The following SUPT3H variants were observed in gnomAD, a reference collection of about 807,000 sequenced individuals.
The protein encoded by SUPT3H is transcription initiation protein SPT3 homolog.
SUPT3H carries 44 observed loss-of-function variants against 44.3 expected under a neutral mutation model. That is an observed-to-expected ratio of 0.99 (90% CI 0.78 to 1.28). The LOEUF (loss-of-function observed/expected upper bound fraction) is 1.28. SUPT3H is among the 50% of genes most tolerant of loss of function. SUPT3H has a pLI of 0.00. For missense variants in SUPT3H, 380 were observed against 387.1 expected, an observed-to-expected ratio of 0.98 and a Z score of 0.15; for synonymous variants, 124 against 125.6, an observed-to-expected ratio of 0.99 and a Z score of 0.09.
rs371888313 is a variant in SUPT3H, at chr6:44,819,753, G to GTGACAGA, written c.*52+10004_*52+10010dup. On this transcript the variant is annotated intron_variant and NMD_transcript_variant, in intron 11 of 11. Transcript: ENST00000475057. Reference sequence around the variant, plus strand: ...ATCATGCCAGTGTACTTCAGCCTGGGTGACAGAGTAAGACCCTGTATCAAA... The same window carrying GTGACAGA: ...ATCATGCCAGTGTACTTCAGCCTGGGTGACAGATGACAGAGTAAGACCCTGTATCAAA... Among the ~76,000 whole-genome samples the GTGACAGA allele has an allele frequency of 2.5e-3, 373 of 151,820 alleles. 2 individuals carry two copies. Among genetic ancestry groups the GTGACAGA allele is most frequent in the African/African-American group, 8.2e-3 (340 of 41,384 alleles).
rs576302805 is a variant in SUPT3H, at chr6:45,305,982, T to G, written c.101+59219A>C. 2.0e-4 allele frequency among the ~76,000 whole-genome samples: 31 copies of G among 152,374 alleles called. 1 individual carries two copies. The South Asian group carries it at 5.2e-3, about 25-fold the overall frequency. On this transcript the variant is annotated intron_variant, in intron 2 of 10. Transcript: ENST00000371459. The stretch of plus-strand genomic sequence containing the variant: ...GTCTACCTAGGAGCCTCTCTAATTC[T>G]GCATATACCTGTACTCCCAATTCTC...
At chr6:45,246,699 G>A (rs1197309857) in intron 2 of SUPT3H, among the ~76,000 whole-genome samples, 2 of 152,090 alleles carry the variant, frequency 1.3e-5, no homozygotes, top group Non-Finnish European at 2.9e-5. Flanking sequence ...AATCCCCCAA[G>A]TAATCAGAAA....
intron 10 of SUPT3H, among the ~76,000 whole-genome samples, chr6:44,887,767 T>C (rs1161738037): frequency 1.3e-5 from 2 of 150,630 alleles, no homozygotes; most frequent in Non-Finnish European, 3.0e-5. Context: ...ATAACTAAAA[T>C]CAGAGCAGAA....
At chr6:44,893,157 T>C (rs1473660494) in intron 10 of SUPT3H, among the ~76,000 whole-genome samples, 1 of 152,022 alleles carries the variant, frequency 6.6e-6, no homozygotes, top group Non-Finnish European at 1.5e-5. Context: ...ACAGAAGGCA[T>C]CTCATCTCAC....
At chr6:44,954,829 G>A (rs1341135605) in intron 7 of SUPT3H, among the ~76,000 whole-genome samples, 7 of 152,088 alleles carry the variant, frequency 4.6e-5, no homozygotes, top group Admixed American at 3.9e-4. Context: ...ACTCTCTTAC[G>A]TATTTGGGTC....
At chr6:45,177,723 A>C (rs893039436) in intron 2 of SUPT3H, among the ~76,000 whole-genome samples, 4 of 151,990 alleles carry the variant, frequency 2.6e-5, no homozygotes, top group African/African-American at 2.4e-5. Context: ...CTGATCTCTC[A>C]GCAGAAACTC....
chr6:44,854,238 T>C (rs1773377243), intron 10 of SUPT3H, among the ~76,000 whole-genome samples: 1 of 152,078 alleles, frequency 6.6e-6, no homozygotes, highest in South Asian at 2.1e-4. Context: ...TTTGTCTTGT[T>C]AACAGGCAAG....
Position 44,844,948 on chromosome 6 carries a change from TGTTGGAGATG to T in SUPT3H, c.913-15101_913-15092del, listed in dbSNP as rs550206595. On this transcript the variant is annotated intron_variant, in intron 10 of 10. Transcript: ENST00000371459. ...AAAACCCCCCCCACAATAATGCTTT[TGTTGGAGATG>T]GTCAGGATTTGTACATCACAGGCAG... 4.6e-5 allele frequency among the ~76,000 whole-genome samples: 7 copies of T among 152,324 alleles called. No homozygotes were observed. In the South Asian group the frequency reaches 1.2e-3, roughly 27 times the overall value.
intron 2 of SUPT3H, among the ~76,000 whole-genome samples, chr6:45,251,444 C>T (rs746408681): frequency 6.6e-6 from 1 of 150,846 alleles, no homozygotes; most frequent in Non-Finnish European, 1.5e-5. Context: ...GTGTTCGATG[C>T]CAGCAGAAAG....
chr6:44,992,250 C>G (rs1307028872), intron 6 of SUPT3H, among the ~76,000 whole-genome samples: 1 of 152,128 alleles, frequency 6.6e-6, no homozygotes, highest in Non-Finnish European at 1.5e-5. Context: ...ACTGAAATTA[C>G]TTGAGACAGA....
chr6:45,236,472 GAGC>G (rs1034583100), intron 2 of SUPT3H, among the ~76,000 whole-genome samples: 2 of 152,098 alleles, frequency 1.3e-5, no homozygotes, highest in African/African-American at 4.8e-5. Context: ...CAAAGTAACA[GAGC>G]AGGTTTGTTT....
intron 2 of SUPT3H, among the ~76,000 whole-genome samples, chr6:45,232,453 G>C (rs1768234285): frequency 6.6e-6 from 1 of 152,190 alleles, no homozygotes; most frequent in African/African-American, 2.4e-5. Context: ...GTGATGAGCT[G>C]ACTGTGCCTG....
intron 3 of SUPT3H, among the ~76,000 whole-genome samples, chr6:45,092,986 A>G (rs1463853600): frequency 6.6e-6 from 1 of 152,070 alleles, no homozygotes; most frequent in Non-Finnish European, 1.5e-5. Context: ...CCCTAACACA[A>G]TGTAGTAAAA....
chr6:45,325,114 C>A (rs1276972697), intron 2 of SUPT3H, among the ~76,000 whole-genome samples: 1 of 151,778 alleles, frequency 6.6e-6, no homozygotes, highest in African/African-American at 2.4e-5. Flanking sequence ...TTAAAAACTT[C>A]CTTCGTAAAA....
At chr6:44,818,245 C>T (rs1767036679) in intron 11 of SUPT3H, among the ~76,000 whole-genome samples, 1 of 150,500 alleles carries the variant, frequency 6.6e-6, no homozygotes, top group Admixed American at 6.6e-5. Flanking sequence ...ATCTGACATC[C>T]ACATCCATAT....
chr6:45,127,295 CTGAG>C (rs750246559), intron 2 of SUPT3H, among the ~76,000 whole-genome samples: 19 of 152,256 alleles, frequency 1.2e-4, no homozygotes, highest in African/African-American at 4.1e-4. Context: ...GCCTAGGAGA[CTGAG>C]TGAGAATCCG....
At chr6:45,261,156 C>G (rs1019292251) in intron 2 of SUPT3H, among the ~76,000 whole-genome samples, 1 of 152,016 alleles carries the variant, frequency 6.6e-6, no homozygotes, top group Non-Finnish European at 1.5e-5. Flanking sequence ...GAGCTAGTAC[C>G]AATCCTAGTG....
At chr6:44,908,612 A>C (rs1766501163) in intron 10 of SUPT3H, among the ~76,000 whole-genome samples, 1 of 152,162 alleles carries the variant, frequency 6.6e-6, no homozygotes, top group Non-Finnish European at 1.5e-5. Context: ...CCAACTACGC[A>C]ATCTAGCTTC....
rs543453574 is a variant in SUPT3H, at chr6:45,138,644, T to C, written c.102-32638A>G. Among the ~76,000 whole-genome samples, 50 of 152,236 alleles carry C rather than the reference T, an allele frequency of 3.3e-4. 1 individual carries two copies. The highest frequency in any genetic ancestry group is 1.2e-3 in the African/African-American group (48 of 41,536). On this transcript the variant is annotated intron_variant, in intron 2 of 10. Coordinates refer to ENST00000371459, the MANE Select transcript of SUPT3H (RefSeq NM_003599.4). ...GTCTGTGTGTGTGTGATTTCATTTATATGAAATGCCCAGAAGAGGCAAATA... is the reference window on the plus strand; with the variant it reads ...GTCTGTGTGTGTGTGATTTCATTTACATGAAATGCCCAGAAGAGGCAAATA...
Sources: gnomAD v4.1 joint callset for allele counts (sites outside exome capture counted in the v4.1 genomes callset) on GRCh38, gnomAD v4.1.1 for gene constraint, MANE v1.5 for transcripts, NCBI Gene and HGNC (gene_info 2026-07-23, HGNC 2026-07-21) for gene names.